The following SLC44A5 variants were observed in gnomAD, a reference collection of about 807,000 sequenced individuals.
SLC44A5 encodes solute carrier family 44 member 5, also known as choline transporter-like protein 5.
In SLC44A5, 57 loss-of-function variants were observed where a neutral mutation model predicts 101.8. That is an observed-to-expected ratio of 0.56 (90% confidence interval 0.45 to 0.70). The LOEUF is 0.70. Among genes scored for constraint, SLC44A5 ranks in the 30% least tolerant of loss-of-function variants. The pLI is 0.00. For synonymous variants in SLC44A5, 281 were observed against 290.9 expected (o/e 0.97, Z 0.35); for missense variants, 737 against 853.1 (o/e 0.86, Z 1.70).
chr1:75,463,285 T>C (rs1031058458), intron 2 of SLC44A5, among the ~76,000 whole-genome samples: 13 of 151,808 alleles, frequency 8.6e-5, no homozygotes, highest in African/African-American at 2.7e-4. Context: ...CTGGGCGCGG[T>C]GGCAGGCGCC....
chr1:75,222,036 C>T (rs111242635), intron 14 of SLC44A5, among the ~76,000 whole-genome samples: 9 of 151,222 alleles, frequency 6.0e-5, no homozygotes, highest in East Asian at 2.0e-4. Context: ...CTCAGCTCAC[C>T]GCAACCTCTG....
chr1:75,466,532 T>A (rs1240842579), intron 2 of SLC44A5, among the ~76,000 whole-genome samples: 1 of 151,874 alleles, frequency 6.6e-6, no homozygotes, highest in East Asian at 1.9e-4. Context: ...GGCAGGTGCC[T>A]GTAATCCCAG....
At chr1:75,466,327 C>T (rs72988772) in intron 2 of SLC44A5, among the ~76,000 whole-genome samples, 5,055 of 152,144 alleles carry the variant, frequency 0.033, 290 homozygotes, top group African/African-American at 0.12. Flanking sequence ...ATTTCAACAT[C>T]CTTCATGATA....
the SLC44A5 span, among the ~76,000 whole-genome samples, chr1:75,631,909 T>G: frequency 2.5e-3 from 381 of 152,204 alleles, 3 homozygotes; most frequent in African/African-American, 8.9e-3. Flanking sequence ...TCAAACAATC[T>G]GCCAGCCTTG....
At chr1:75,688,677 C>T in the SLC44A5 span, among the ~76,000 whole-genome samples, 3 of 152,276 alleles carry the variant, frequency 2.0e-5, no homozygotes, top group East Asian at 3.9e-4. Context: ...CAGGGAAACA[C>T]CTGGATGCCA....
the SLC44A5 span, among the ~76,000 whole-genome samples, chr1:75,711,568 A>T: frequency 6.6e-6 from 1 of 152,238 alleles, no homozygotes; most frequent in East Asian, 1.9e-4. Context: ...AGGTAGCAGG[A>T]GTTTAGTATG....
intron 3 of SLC44A5, among the ~76,000 whole-genome samples, chr1:75,388,805 A>C (rs1291738260): frequency 6.6e-6 from 1 of 151,812 alleles, no homozygotes; most frequent in East Asian, 1.9e-4. Context: ...ACAAAAACTC[A>C]CATATCAATA....
chr1:75,631,478 T>C, the SLC44A5 span, among the ~76,000 whole-genome samples: 1 of 150,444 alleles, frequency 6.6e-6, no homozygotes. Flanking sequence ...GCTCAAGCCA[T>C]CCTCTCACTT....
chr1:75,308,790 T>G (rs925688986), intron 4 of SLC44A5, among the ~76,000 whole-genome samples: 10 of 152,152 alleles, frequency 6.6e-5, no homozygotes, highest in African/African-American at 2.2e-4. Context: ...CTAAAAAATG[T>G]TTGTTAAAAC....
At chr1:75,422,033 A>C (rs1664038524) in intron 2 of SLC44A5, among the ~76,000 whole-genome samples, 1 of 152,112 alleles carries the variant, frequency 6.6e-6, no homozygotes, top group Non-Finnish European at 1.5e-5. Context: ...TATTCAATAA[A>C]ATTACTGAAC....
At position 75,588,228 on chromosome 1, in the gene SLC44A5, G is replaced by C. The variant is rs1031596108; in HGVS notation, c.-70+22812C>G. ...AGAAGGGATGAAGGAAGGAAGGAGG[G>C]AGGGAGGGAAGGAAGGAGTGAAGGA... On this transcript the variant is annotated intron_variant, in intron 1 of 23. Coordinates refer to ENST00000370859, the MANE Select transcript of SLC44A5 (RefSeq NM_001130058.2). 2.1e-5 allele frequency among the ~76,000 whole-genome samples: 3 copies of C among 145,578 alleles called. No individual in the cohort carries two copies. The East Asian group carries it at 6.4e-4, about 31-fold the overall frequency.
chr1:75,579,048 G>C (rs1055301578), intron 1 of SLC44A5, among the ~76,000 whole-genome samples: 2 of 152,058 alleles, frequency 1.3e-5, no homozygotes, highest in Non-Finnish European at 2.9e-5. Flanking sequence ...TTAAAAGCTG[G>C]TATCTTTGAG....
At chr1:75,243,084 C>T in intron 7 of SLC44A5, 73 bp from the exon 8 acceptor site, 19 of 1,467,398 alleles carry the variant, frequency 1.3e-5, no homozygotes, top group Non-Finnish European at 1.6e-5. Flanking sequence ...AGCTAGACTT[C>T]TAAATTATCC....
chr1:75,445,104 T>C (rs1463070528), intron 2 of SLC44A5, among the ~76,000 whole-genome samples: 2 of 152,144 alleles, frequency 1.3e-5, no homozygotes, highest in African/African-American at 2.4e-5. Context: ...CATGCTGAAA[T>C]GTGATCCTCA....
Position 75,223,443 on chromosome 1 carries a change from G to A in SLC44A5, c.986-983C>T, listed in dbSNP as rs187069675. On this transcript the variant is annotated intron_variant, in intron 13 of 23. Coordinates refer to ENST00000370859, the MANE Select transcript of SLC44A5 (RefSeq NM_001130058.2). ...ATTAAATAATAACTTTTTAGGAAAA[G>A]TGAAGAAACACTTCATTAAATGTTT... Among the ~76,000 whole-genome samples the A allele has an allele frequency of 2.8e-3, 427 of 152,252 alleles. 2 individuals carry two copies. Among genetic ancestry groups the A allele is most frequent in the African/African-American group, 9.9e-3 (412 of 41,552 alleles).
At chr1:75,691,414 A>G in the SLC44A5 span, among the ~76,000 whole-genome samples, 1 of 152,230 alleles carries the variant, frequency 6.6e-6, no homozygotes, top group African/African-American at 2.4e-5. Flanking sequence ...AAAATCATCT[A>G]GAAAATGAAT....
At chr1:75,462,497 T>C (rs1351603520) in intron 2 of SLC44A5, among the ~76,000 whole-genome samples, 1 of 152,052 alleles carries the variant, frequency 6.6e-6, no homozygotes, top group Non-Finnish European at 1.5e-5. Flanking sequence ...TCTGCAAGAA[T>C]GAAGACAATC....
intron 2 of SLC44A5, among the ~76,000 whole-genome samples, chr1:75,526,777 A>G (rs211787): frequency 0.16 from 24,724 of 152,176 alleles, 2,339 homozygotes; most frequent in African/African-American, 0.26. Flanking sequence ...AGAGTAAACA[A>G]TGCGCATTCT....
chr1:75,682,965 C>T, the SLC44A5 span, among the ~76,000 whole-genome samples: 2 of 152,104 alleles, frequency 1.3e-5, no homozygotes, highest in African/African-American at 2.4e-5. Context: ...AGACACTTCT[C>T]AAAAGAAGAC....
Sources: gnomAD v4.1 joint callset for allele counts (sites outside exome capture counted in the v4.1 genomes callset) on GRCh38, gnomAD v4.1.1 for gene constraint, MANE v1.5 for transcripts, NCBI Gene and HGNC (gene_info 2026-07-23, HGNC 2026-07-21) for gene names.